USP7: variants seen among roughly 807,000 people sequenced by gnomAD.
The protein encoded by USP7 is ubiquitin specific peptidase 7.
Under a neutral mutation model 162.9 loss-of-function variants are expected in USP7, and 9 were observed. That is an observed-to-expected ratio of 0.06 (90% CI 0.03 to 0.10). USP7 has a LOEUF of 0.10. USP7 is among the 10% of genes least tolerant of loss of function. The pLI, the probability that USP7 is intolerant of heterozygous loss-of-function variation, is 1.00. For synonymous variants in USP7, 562 were observed against 475.9 expected (o/e 1.18, Z -2.35); for missense variants, 715 against 1,373.7 (o/e 0.52, Z 7.58).
intron 1 of USP7, among the ~76,000 whole-genome samples, chr16:8,955,796 T>A (rs1013320326): frequency 6.6e-6 from 1 of 151,908 alleles, no homozygotes; most frequent in Non-Finnish European, 1.5e-5. Context: ...TGAAATGTGC[T>A]TGCAACTTGA....
intron 20 of USP7, 78 bp from the exon 21 acceptor site, chr16:8,900,708 T>A: frequency 9.4e-7 from 1 of 1,068,152 alleles, no homozygotes; most frequent in Non-Finnish European, 1.4e-6. Context: ...TCCATGTACT[T>A]AAGTATTTTC....
At chr16:8,929,686 A>G (rs985227344) in intron 2 of USP7, 1 of 407,966 alleles carries the variant, frequency 2.5e-6, no homozygotes, top group African/African-American at 2.1e-5. Flanking sequence ...GCAAATATTG[A>G]GGTCACTAAT....
chr16:8,894,920 C>T (rs2304467), intron 28 of USP7, 65 bp from the exon 29 acceptor site: 1 of 1,613,460 alleles, frequency 6.2e-7, no homozygotes, highest in Non-Finnish European at 8.5e-7. Flanking sequence ...CGTCACGTGG[C>T]AGCCGCCAAA....
At chr16:8,918,992 T>C (rs1254806301) in intron 6 of USP7, 39 bp downstream of exon 6, 1 of 1,600,556 alleles carries the variant, frequency 6.2e-7, no homozygotes, top group East Asian at 2.2e-5. Context: ...GAAGAAAGGG[T>C]GAGCGGAAGG....
chr16:8,902,015 T>C, intron 18 of USP7, 67 bp downstream of exon 18: 2 of 1,356,126 alleles, frequency 1.5e-6, no homozygotes, highest in South Asian at 1.2e-5. Context: ...CCTGTGTGTT[T>C]AGAACAACAA....
At chr16:8,947,243 A>G (rs765451177) in intron 1 of USP7, among the ~76,000 whole-genome samples, 12 of 152,222 alleles carry the variant, frequency 7.9e-5, no homozygotes, top group Non-Finnish European at 1.5e-4. Context: ...ATTCCTCTCA[A>G]TACACTTTTG....
At chr16:8,910,651 A>T in intron 11 of USP7, 94 bp downstream of exon 11, 1 of 1,157,002 alleles carries the variant, frequency 8.6e-7, no homozygotes, top group Non-Finnish European at 1.3e-6. Context: ...GAAACACATG[A>T]AAAGGCACAA....
chr16:8,956,779 A>AAAC (rs1555472213), intron 1 of USP7, among the ~76,000 whole-genome samples: 11 of 148,808 alleles, frequency 7.4e-5, no homozygotes, highest in Admixed American at 1.3e-4. Context: ...ACAAAAACAA[A>AAAC]AAAAAAAAAA....
At chr16:8,938,389 C>T (rs1898873826) in intron 1 of USP7, among the ~76,000 whole-genome samples, 2 of 151,600 alleles carry the variant, frequency 1.3e-5, no homozygotes, top group East Asian at 1.9e-4. Context: ...AAGTCTTCCA[C>T]ATCTGTGGAT....
intron 1 of USP7, among the ~76,000 whole-genome samples, chr16:8,933,155 G>C (rs1898470038): frequency 6.6e-6 from 1 of 152,062 alleles, no homozygotes; most frequent in African/African-American, 2.4e-5. Flanking sequence ...GGTCAGACTG[G>C]TCTCAAACTC....
At chr16:8,897,149 C>G (rs761985028) in intron 25 of USP7, 50 bp from the exon 26 acceptor site, 1 of 1,387,418 alleles carries the variant, frequency 7.2e-7, no homozygotes, top group African/African-American at 1.4e-5. Flanking sequence ...CATAAAAGGT[C>G]TGCTACCACA....
intron 1 of USP7, among the ~76,000 whole-genome samples, chr16:8,939,271 G>T (rs965820177): frequency 6.6e-6 from 1 of 152,124 alleles, no homozygotes; most frequent in Non-Finnish European, 1.5e-5. Context: ...CGGCGTGCGT[G>T]CTCCCCCATT....
chr16:8,920,974 T>C (rs1186921512), intron 4 of USP7, among the ~76,000 whole-genome samples, 183 bp downstream of exon 4: 1 of 152,178 alleles, frequency 6.6e-6, no homozygotes, highest in African/African-American at 2.4e-5. Context: ...GAGACGTGAA[T>C]CCAGAAAGCT....
intron 8 of USP7, 67 bp from the exon 9 acceptor site, chr16:8,915,592 A>T: frequency 7.6e-7 from 1 of 1,324,140 alleles, no homozygotes; most frequent in Non-Finnish European, 1.1e-6. Context: ...GTAATTTTAT[A>T]ATTGACTAGA....
At chr16:8,919,254 T>G in intron 5 of USP7, 115 bp from the exon 6 acceptor site, 1 of 944,232 alleles carries the variant, frequency 1.1e-6, no homozygotes, top group Non-Finnish European at 1.7e-6. Flanking sequence ...CAGGAACACT[T>G]ATCACACAGC....
intron 16 of USP7, 89 bp from the exon 17 acceptor site, chr16:8,902,571 A>G: frequency 2.4e-6 from 2 of 842,774 alleles, no homozygotes; most frequent in Non-Finnish European, 3.6e-6. Context: ...ATACATATAC[A>G]TATATATATA....
chr16:8,913,914 AATT>A (rs2061990478), intron 10 of USP7, among the ~76,000 whole-genome samples: 1 of 151,760 alleles, frequency 6.6e-6, no homozygotes, highest in South Asian at 2.1e-4. Flanking sequence ...ACGCCCAGCT[AATT>A]TGTAGAGATG....
At position 8,940,207 on chromosome 16, in the gene USP7, G is replaced by A. The variant is rs774628428; in HGVS notation, c.80-9810C>T. On this transcript the variant is annotated intron_variant, in intron 1 of 30. Transcript: ENST00000344836. ...GGCTCCCATCCTGCTGCCTATCTACGCATCCTATAGCCAGGTCACCTGTCT... is the reference window on the plus strand; with the variant it reads ...GGCTCCCATCCTGCTGCCTATCTACACATCCTATAGCCAGGTCACCTGTCT... Among the ~76,000 whole-genome samples the A allele has an allele frequency of 6.6e-5, 10 of 152,174 alleles. No homozygotes were observed. The East Asian group carries it at 1.4e-3, about 21-fold the overall frequency.
Position 8,893,992 on chromosome 16 carries a change from T to G in USP7, c.*6A>C. 1 of 1,613,812 alleles carries G rather than the reference T, an allele frequency of 6.2e-7. No individual in the cohort carries two copies. Among genetic ancestry groups the G allele is most frequent in the Non-Finnish European group, 8.5e-7 (1 of 1,179,750 alleles). The stretch of plus-strand genomic sequence containing the variant: ...CGTCCTCGCCTTGAACACACCAGCT[T>G]GGAAATCAGTTATGGATTTTAATGG... On this transcript the variant is annotated 3_prime_UTR_variant, in exon 31 of 31. Coordinates refer to ENST00000344836, the MANE Select transcript of USP7 (RefSeq NM_003470.3).
Sources: gnomAD v4.1 joint callset for allele counts (sites outside exome capture counted in the v4.1 genomes callset) on GRCh38, gnomAD v4.1.1 for gene constraint, MANE v1.5 for transcripts, NCBI Gene and HGNC (gene_info 2026-07-23, HGNC 2026-07-21) for gene names.